The following CTNNA2 variants were observed in gnomAD, a reference collection of about 807,000 sequenced individuals.
CTNNA2 encodes catenin alpha-2.
CTNNA2 carries 42 observed loss-of-function variants against 101.0 expected under a neutral mutation model. The observed-to-expected ratio is 0.42, with a 90% CI of 0.32 to 0.54. The LOEUF is 0.54. Ranked by LOEUF, CTNNA2 falls within the 20% of genes least tolerant of loss-of-function variation. CTNNA2 has a pLI of 0.14. For synonymous variants in CTNNA2, 450 were observed against 456.4 expected (o/e 0.99, Z 0.18); for missense variants, 871 against 1,223.1 (o/e 0.71, Z 4.29).
At chr2:80,118,276 G>A (rs6742622) in intron 7 of CTNNA2, among the ~76,000 whole-genome samples, 76,643 of 152,092 alleles carry the variant, frequency 0.5, 21,601 homozygotes, top group African/African-American at 0.72. Context: ...CGTGGGGCAT[G>A]AATAGTCATA....
intron 7 of CTNNA2, among the ~76,000 whole-genome samples, chr2:80,215,699 C>T (rs1708220960): frequency 6.6e-6 from 1 of 152,206 alleles, no homozygotes; most frequent in Non-Finnish European, 1.5e-5. Flanking sequence ...AATTTGGCTA[C>T]TCAAGGGTCA....
At chr2:80,093,973 G>A (rs545472619) in intron 7 of CTNNA2, among the ~76,000 whole-genome samples, 22 of 152,012 alleles carry the variant, frequency 1.4e-4, no homozygotes, top group Non-Finnish European at 2.7e-4. Flanking sequence ...CACTCTGATG[G>A]TAGTTTCTTT....
chr2:79,369,075 C>A (rs1677812488), intron 3 of CTNNA2, among the ~76,000 whole-genome samples: 1 of 152,120 alleles, frequency 6.6e-6, no homozygotes, highest in Admixed American at 6.6e-5. Flanking sequence ...CCCTGACCAA[C>A]CTCTCACACA....
At chr2:80,060,509 C>G (rs1026622349) in intron 7 of CTNNA2, among the ~76,000 whole-genome samples, 10 of 152,304 alleles carry the variant, frequency 6.6e-5, no homozygotes, top group Non-Finnish European at 8.8e-5. Flanking sequence ...CATATAAACC[C>G]CAAGACCCCA....
At chr2:79,922,211 G>A (rs1385235738) in intron 7 of CTNNA2, among the ~76,000 whole-genome samples, 3 of 152,114 alleles carry the variant, frequency 2.0e-5, no homozygotes, top group African/African-American at 7.2e-5. Context: ...TGGAACTAGT[G>A]AAGACCTTTG....
intron 7 of CTNNA2, among the ~76,000 whole-genome samples, chr2:80,043,449 C>T (rs112072543): frequency 2.0e-5 from 3 of 152,132 alleles, no homozygotes; most frequent in Non-Finnish European, 2.9e-5. Context: ...CCACCTGTCT[C>T]GGCCTCCCAA....
intron 9 of CTNNA2, among the ~76,000 whole-genome samples, chr2:80,464,871 G>A (rs925656351): frequency 2.6e-5 from 4 of 152,106 alleles, no homozygotes; most frequent in East Asian, 1.9e-4. Flanking sequence ...ATTGTTCAGC[G>A]GGCTAGTAAG....
At chr2:80,419,052 T>C (rs1680284124) in intron 8 of CTNNA2, among the ~76,000 whole-genome samples, 1 of 152,198 alleles carries the variant, frequency 6.6e-6, no homozygotes, top group African/African-American at 2.4e-5. Flanking sequence ...CTTCAAAGTT[T>C]AGATCTTTAT....
At chr2:79,914,191 A>G (rs1034998356) in intron 7 of CTNNA2, among the ~76,000 whole-genome samples, 1 of 148,150 alleles carries the variant, frequency 6.7e-6, no homozygotes, top group African/African-American at 2.5e-5. Flanking sequence ...AAAAAAAAAG[A>G]AAGTAGCTTA....
At chr2:80,473,156 A>C (rs1387250088) in intron 9 of CTNNA2, among the ~76,000 whole-genome samples, 1 of 152,154 alleles carries the variant, frequency 6.6e-6, no homozygotes, top group Non-Finnish European at 1.5e-5. Context: ...GATGAGAGTA[A>C]GGGCATTCGG....
chr2:80,070,600 C>T (rs1698266738), intron 7 of CTNNA2, among the ~76,000 whole-genome samples: 1 of 151,728 alleles, frequency 6.6e-6, no homozygotes, highest in Non-Finnish European at 1.5e-5. Flanking sequence ...ACTTGTAGTC[C>T]AAACTACTTG....
At chr2:80,050,192 C>T (rs77324217) in intron 7 of CTNNA2, among the ~76,000 whole-genome samples, 5 of 152,186 alleles carry the variant, frequency 3.3e-5, no homozygotes, top group African/African-American at 4.8e-5. Context: ...GTGGGGAGGC[C>T]GAGTCACATT....
intron 2 of CTNNA2, among the ~76,000 whole-genome samples, chr2:79,242,691 A>G (rs1674642111): frequency 6.6e-6 from 1 of 152,066 alleles, no homozygotes. Context: ...TATTAGGCCA[A>G]GCGTGGTGGC....
intron 1 of CTNNA2, among the ~76,000 whole-genome samples, chr2:79,613,581 G>A (rs759540483): frequency 1.3e-5 from 2 of 152,064 alleles, no homozygotes; most frequent in East Asian, 1.9e-4. Flanking sequence ...AATTGAAGAC[G>A]AAATGATAGA....
chr2:80,556,560 G>C (rs1693054292), intron 12 of CTNNA2, among the ~76,000 whole-genome samples: 1 of 152,140 alleles, frequency 6.6e-6, no homozygotes, highest in South Asian at 2.1e-4. Flanking sequence ...ATGGGAGCTT[G>C]TCAGAGCTTG....
At chr2:80,104,526 A>G (rs1700758809) in intron 7 of CTNNA2, among the ~76,000 whole-genome samples, 1 of 152,152 alleles carries the variant, frequency 6.6e-6, no homozygotes, top group Non-Finnish European at 1.5e-5. Flanking sequence ...GGCAGAATAC[A>G]ATTTTGTTTG....
At chr2:79,265,964 G>A (rs938932018) in intron 2 of CTNNA2, among the ~76,000 whole-genome samples, 2 of 152,124 alleles carry the variant, frequency 1.3e-5, no homozygotes, top group Non-Finnish European at 2.9e-5. Flanking sequence ...CAAGAGGTTT[G>A]CCATGGATTT....
chr2:79,329,706 T>C (rs1301442400), intron 3 of CTNNA2, among the ~76,000 whole-genome samples: 2 of 152,142 alleles, frequency 1.3e-5, no homozygotes, highest in Non-Finnish European at 2.9e-5. Context: ...GATGTCTCTG[T>C]GTTCTGATGA....
chr2:80,065,091 G>C (rs1400958513), intron 7 of CTNNA2, among the ~76,000 whole-genome samples: 1 of 152,156 alleles, frequency 6.6e-6, no homozygotes, highest in Non-Finnish European at 1.5e-5. Flanking sequence ...TTTTGAGTAA[G>C]AGGTCAGTGG....
Sources: allele counts gnomAD v4.1 joint callset (sites outside exome capture counted in the v4.1 genomes callset), GRCh38; gene constraint gnomAD v4.1.1; transcripts MANE v1.5; gene names NCBI Gene and HGNC (gene_info 2026-07-23, HGNC 2026-07-21).